The following FMO1 variants were observed in gnomAD, a reference collection of about 807,000 sequenced individuals.
FMO1 encodes the protein flavin containing dimethylaniline monoxygenase 1, also known as flavin-containing monooxygenase 1.
Under a neutral mutation model 45.4 loss-of-function variants are expected in FMO1, and 36 were observed. That is an observed-to-expected ratio of 0.79 (90% CI 0.61 to 1.05). FMO1 has a LOEUF of 1.05. Ranked by LOEUF, FMO1 falls within the 50% of genes least tolerant of loss-of-function variation. FMO1 has a pLI of 0.00. For synonymous variants in FMO1, 228 were observed against 227.2 expected, an observed-to-expected ratio of 1.00 and a Z score of -0.03; for missense variants, 615 against 640.3, an observed-to-expected ratio of 0.96 and a Z score of 0.43.
intron 8 of FMO1, among the ~76,000 whole-genome samples, chr1:171,284,194 A>AC (rs1571366328): frequency 7.0e-6 from 1 of 142,444 alleles, no homozygotes; most frequent in African/African-American, 2.9e-5. Flanking sequence ...AAAACAAAAA[A>AC]CAGCAAGTTT....
In FMO1 at chr1:171,279,089, C is replaced by CTT. The variant is rs35698046; in HGVS notation, c.627+233_627+234dup. 1.5e-3 allele frequency among the ~76,000 whole-genome samples: 207 copies of CTT among 137,768 alleles called. 2 individuals are homozygous for CTT. Among genetic ancestry groups the CTT allele is most frequent in the South Asian group, 5.0e-3 (21 of 4,238 alleles). The allele number at this position is 137,768 out of a possible 152,430, so 90.4% of individuals were successfully genotyped here. On this transcript the variant is annotated intron_variant, in intron 5 of 8. Transcript: ENST00000617670. The stretch of plus-strand genomic sequence containing the variant: ...AACCAACTTCTCTGACTTCTTTTTA[C>CTT]TTTTTTTTTTTTTTTTGTCATTTTC...
At chr1:171,255,527 C>A (rs2101794580) in intron 1 of FMO1, among the ~76,000 whole-genome samples, 1 of 152,276 alleles carries the variant, frequency 6.6e-6, no homozygotes, top group South Asian at 2.1e-4. Flanking sequence ...TGCTTTCAGT[C>A]AGCAGTGGGT....
At position 171,280,748 on chromosome 1, in the gene FMO1, A is replaced by T. The variant is rs774515288; in HGVS notation, c.628-38A>T. ...CTGGCAGAACCAGCCAGCCGTGTTCACAGTGTCAAATGAAGGGATGTCTTT... is the reference window on the plus strand; with the variant it reads ...CTGGCAGAACCAGCCAGCCGTGTTCTCAGTGTCAAATGAAGGGATGTCTTT... On this transcript the variant is annotated intron_variant, in intron 5 of 8. Coordinates refer to ENST00000617670, the MANE Select transcript of FMO1 (RefSeq NM_001282693.2). 2.6e-6 allele frequency: 4 copies of T among 1,566,900 alleles called. No individual in the cohort carries two copies. In the Admixed American group the frequency reaches 5.0e-5, roughly 20 times the overall value.
rs766558079 is a variant in FMO1 at position 171,282,341 on chromosome 1, T to C, written c.1183+8T>C. On this transcript the variant is annotated splice_region_variant and intron_variant, in intron 7 of 8. Coordinates refer to ENST00000617670, the MANE Select transcript of FMO1 (RefSeq NM_001282693.2). ...CTGTTCGAGTCCTGAAAGGTAAGTA[T>C]AAGAAATAGCAGGGCATGTGTTTTT... 2.5e-6 allele frequency: 4 copies of C among 1,578,788 alleles called. No homozygotes were observed. The highest frequency in any genetic ancestry group is 2.3e-5 in the South Asian group (2 of 88,858).
At position 171,280,849 on chromosome 1, in the gene FMO1, T is replaced by C. The variant is rs149847705; in HGVS notation, c.691T>C (p.Trp231Arg). 6.2e-7 allele frequency: 1 copy of C among 1,613,902 alleles called. No individual in the cohort carries two copies. The highest frequency in any genetic ancestry group is 2.2e-5 in the East Asian group (1 of 44,868). The change falls in exon 6 of 9, where the codon TGG becomes CGG. Residue 231 changes from tryptophan to arginine, a missense_variant. Coordinates refer to ENST00000617670, the MANE Select transcript of FMO1 (RefSeq NM_001282693.2). ...CCGAATCTTTGACTCGGGCTACCCA[T>C]GGGACATGGTGTTCATGACACGCTT... is the stretch of plus-strand genomic sequence containing the variant. ...ISRIFDSGYP[W>R]DMVFMTRFQN...
At chr1:171,257,277 C>T (rs1249605207) in intron 1 of FMO1, among the ~76,000 whole-genome samples, 1 of 152,122 alleles carries the variant, frequency 6.6e-6, no homozygotes, top group African/African-American at 2.4e-5. Flanking sequence ...TCTGTTGCCT[C>T]TCGGTGTTCT....
intron 4 of FMO1, among the ~76,000 whole-genome samples, chr1:171,276,435 A>G (rs1661109742): frequency 6.6e-6 from 1 of 152,200 alleles, no homozygotes; most frequent in Non-Finnish European, 1.5e-5. Flanking sequence ...CCTCTTCTTG[A>G]ACCCATTCAA....
intron 4 of FMO1, among the ~76,000 whole-genome samples, chr1:171,277,541 T>C (rs1661159194): frequency 1.3e-5 from 2 of 152,188 alleles, no homozygotes; most frequent in Non-Finnish European, 1.5e-5. Flanking sequence ...GAGAAAGTAT[T>C]AGTCTGTTAA....
In FMO1 at chr1:171,283,203, A is replaced by G. The variant is rs1251195332; in HGVS notation, c.1243A>G (p.Asn415Asp). Residue 415 changes from asparagine to aspartate, a missense_variant, in exon 8 of 9, where the codon AAC (asparagine) becomes GAC (aspartate). Physicochemically the swap from Asn to Asp is conservative, Grantham distance 23. Coordinates refer to ENST00000617670, the MANE Select transcript of FMO1 (RefSeq NM_001282693.2). ...AGAGGAAATTAATGCAAGGAAAGAA[A>G]ACAAGCCCAGTTGGTAAGTTAACTA... ...MIEEINARKE[N>D]KPSWFGLCYC... is the part of the protein sequence containing the mutation. 3 of 1,552,748 alleles carry G rather than the reference A, an allele frequency of 1.9e-6. No homozygotes were observed. The East Asian group carries it at 7.0e-5, about 36-fold the overall frequency.
chr1:171,259,233 G>A (rs771302338), intron 2 of FMO1, among the ~76,000 whole-genome samples: 3 of 152,196 alleles, frequency 2.0e-5, no homozygotes, highest in Non-Finnish European at 2.9e-5. Context: ...AGCTCAGTGA[G>A]TAAAACTCCA....
intron 8 of FMO1, 151 bp downstream of exon 8, chr1:171,283,367 G>C: frequency 2.0e-6 from 1 of 505,182 alleles, no homozygotes; most frequent in East Asian, 3.4e-5. Flanking sequence ...AGAAGCATCT[G>C]AGACTTACAA....
At position 171,258,151 on chromosome 1, in the gene FMO1, C is replaced by T. The variant is rs1029715725; in HGVS notation, c.64C>T (p.Leu22=). 1.2e-6 allele frequency: 2 copies of T among 1,614,162 alleles called. No individual in the cohort carries two copies. Among genetic ancestry groups the T allele is most frequent in the African/African-American group, 1.3e-5 (1 of 75,024 alleles). Residue 22 remains leucine (L), a synonymous_variant, in exon 2 of 9, where the codon CTG becomes TTG. Transcript: ENST00000617670. The stretch of plus-strand genomic sequence containing the variant: ...CGGCCTGGCCTCCATCAAGTGCTGT[C>T]TGGAAGAAGGACTGGAGCCCACCTG... ...VSGLASIKCC[L]EEGLEPTCFE... is the part of the protein sequence containing the mutation.
intron 1 of FMO1, among the ~76,000 whole-genome samples, chr1:171,256,115 T>C (rs1443169964): frequency 2.0e-5 from 3 of 151,488 alleles, no homozygotes; most frequent in Non-Finnish European, 4.4e-5. Flanking sequence ...CTACTAAAAA[T>C]ACAAAAAATT....
At position 171,258,107 on chromosome 1, in the gene FMO1, T is replaced by C. The variant is rs567501357; in HGVS notation, c.20T>C (p.Ile7Thr). ...GAGAACATGGCCAAGCGAGTTGCCA[T>C]TGTGGGAGCTGGGGTCAGCGGCCTG... The part of the protein sequence containing the change: MAKRVA[I>T]VGAGVSGLAS... Residue 7 changes from isoleucine (I) to threonine (T), a missense_variant, in exon 2 of 9, where the codon ATT becomes ACT. Coordinates refer to ENST00000617670, the MANE Select transcript of FMO1 (RefSeq NM_001282693.2). 3 of 1,614,054 alleles carry C rather than the reference T, an allele frequency of 1.9e-6. No homozygotes were observed. The highest frequency in any genetic ancestry group is 2.2e-5 in the East Asian group (1 of 44,856).
chr1:171,284,751 GA>G (rs1490992026), intron 8 of FMO1, among the ~76,000 whole-genome samples: 1 of 147,706 alleles, frequency 6.8e-6, no homozygotes, highest in East Asian at 2.0e-4. Context: ...AAAGAAAAAA[GA>G]AAAAAAGAAA....
At chr1:171,255,012 C>A (rs1357810754) in intron 1 of FMO1, among the ~76,000 whole-genome samples, 2 of 152,224 alleles carry the variant, frequency 1.3e-5, no homozygotes, top group Admixed American at 6.5e-5. Flanking sequence ...CCTTTGCAAT[C>A]CCAATACACA....
At chr1:171,260,670 C>T (rs536006319) in intron 2 of FMO1, among the ~76,000 whole-genome samples, 3 of 152,098 alleles carry the variant, frequency 2.0e-5, no homozygotes, top group South Asian at 4.2e-4. Flanking sequence ...GTGGCTCACG[C>T]CTGTAATCCC....
At position 171,275,286 on chromosome 1, in the gene FMO1, C is replaced by CTGGCAAG. The variant is rs547555152; in HGVS notation, c.322-57_322-51dup. The CTGGCAAG allele has an allele frequency of 2.6e-4, 353 of 1,345,924 alleles. No individual in the cohort carries two copies. The African/African-American group carries it at 4.6e-3, about 17-fold the overall frequency. The allele number at this position is 1,345,924 out of a possible 1,614,324, so 83.4% of individuals were successfully genotyped here. On this transcript the variant is annotated intron_variant, in intron 3 of 8. Coordinates refer to ENST00000617670, the MANE Select transcript of FMO1 (RefSeq NM_001282693.2). ...TTTTAAAATATCAATGGTACATCAACTGGCAAGTGCTTAATGGAACATTGA... is the reference window on the plus strand; with the variant it reads ...TTTTAAAATATCAATGGTACATCAACTGGCAAGTGGCAAGTGCTTAATGGAACATTGA...
At position 171,285,575 on chromosome 1, in the gene FMO1, G is replaced by A; in HGVS notation, c.*31G>A. 1.5e-6 allele frequency: 2 copies of A among 1,291,680 alleles called. No homozygotes were observed. The highest frequency in any genetic ancestry group is 3.0e-5 in the South Asian group (2 of 66,130). The allele number at this position is 1,291,680 out of a possible 1,614,324, so 80.0% of individuals were successfully genotyped here. On this transcript the variant is annotated 3_prime_UTR_variant, in exon 9 of 9. Transcript: ENST00000617670. ...AGATCTCCTAAATGGAAGATGCACA[G>A]AGTAGATTTACAATGCTCCAATTCC...
Sources: gnomAD v4.1 joint callset for allele counts (sites outside exome capture counted in the v4.1 genomes callset) on GRCh38, gnomAD v4.1.1 for gene constraint, MANE v1.5 for transcripts, NCBI Gene and HGNC (gene_info 2026-07-23, HGNC 2026-07-21) for gene names.